PTAR1: variants seen among roughly 807,000 people sequenced by gnomAD.
PTAR1 encodes the protein protein prenyltransferase alpha subunit repeat containing 1.
PTAR1 carries 17 observed loss-of-function variants against 45.5 expected under a neutral mutation model. That is an observed-to-expected ratio of 0.37 (90% CI 0.26 to 0.56). The LOEUF (loss-of-function observed/expected upper bound fraction) is 0.56. Among genes scored for constraint, PTAR1 ranks in the 20% least tolerant of loss-of-function variants. The probability of loss-of-function intolerance (pLI) is 0.77; values close to 1 mark genes in which losing one functional copy is unlikely to be tolerated. For missense variants in PTAR1, 391 were observed against 476.3 expected (o/e 0.82, Z 1.67); for synonymous variants, 169 against 171.3 (o/e 0.99, Z 0.11).
chr9:69,728,110 T>C (rs1424808002), intron 5 of PTAR1, among the ~76,000 whole-genome samples: 2 of 152,222 alleles, frequency 1.3e-5, no homozygotes, highest in Non-Finnish European at 2.9e-5. Flanking sequence ...ATCCACGTTA[T>C]AGCATGTATC....
At position 69,709,727 on chromosome 9, in the gene PTAR1, G is replaced by GA. The variant is rs1336948297; in HGVS notation, c.*8614dup. On this transcript the variant is annotated 3_prime_UTR_variant, in exon 8 of 8. Transcript: ENST00000340434. ...GTGTAATAAGTGCCAGTAAGTCCTGGAAGACAGTTGCAGAGGAAGATTAGA... is the reference window on the plus strand; with the variant it reads ...GTGTAATAAGTGCCAGTAAGTCCTGGAAAGACAGTTGCAGAGGAAGATTAGA... 1 of 152,070 alleles carries GA rather than the reference G, an allele frequency of 6.6e-6. No homozygotes were observed. Among genetic ancestry groups the GA allele is most frequent in the Admixed American group, 6.6e-5 (1 of 15,260 alleles). The allele number at this position is 152,070 out of a possible 1,614,324, so 9.4% of individuals were successfully genotyped here.
chr9:69,742,191 C>T (rs901593290), intron 2 of PTAR1, among the ~76,000 whole-genome samples: 1 of 152,120 alleles, frequency 6.6e-6, no homozygotes, highest in African/African-American at 2.4e-5. Context: ...TTCTATGCCA[C>T]TATTCATTTA....
At chr9:69,745,086 C>A (rs569036375) in intron 2 of PTAR1, among the ~76,000 whole-genome samples, 1 of 152,298 alleles carries the variant, frequency 6.6e-6, no homozygotes, top group African/African-American at 2.4e-5. Flanking sequence ...AAATTCATTC[C>A]ATTTCTCCAC....
Position 69,714,389 on chromosome 9 carries a change from C to T in PTAR1, c.*3953G>A, listed in dbSNP as rs988694296. On this transcript the variant is annotated 3_prime_UTR_variant, in exon 8 of 8. Coordinates refer to ENST00000340434, the MANE Select transcript of PTAR1 (RefSeq NM_001099666.2). ...ACTAAATCTTTAGCATCTTCTATAA[C>T]TCAGGGGAACTAAGGTAGGGATTAT... The T allele has an allele frequency of 1.3e-5, 2 of 151,748 alleles. No homozygotes were observed. Among genetic ancestry groups the T allele is most frequent in the Admixed American group, 6.6e-5 (1 of 15,212 alleles). 9.4% of individuals were successfully genotyped at this position (151,748 alleles called of 1,614,324 possible).
intron 5 of PTAR1, among the ~76,000 whole-genome samples, chr9:69,728,084 C>T (rs749180824): frequency 6.6e-6 from 1 of 152,132 alleles, no homozygotes; most frequent in African/African-American, 2.4e-5. Context: ...TTTCAATCAG[C>T]ATGTTTTCAA....
Position 69,750,784 on chromosome 9 carries a change from C to T in PTAR1, c.253G>A (p.Asp85Asn), listed in dbSNP as rs751981081. 1.2e-6 allele frequency: 2 copies of T among 1,604,804 alleles called. No individual in the cohort carries two copies. Among genetic ancestry groups the T allele is most frequent in the Non-Finnish European group, 1.7e-6 (2 of 1,175,970 alleles). The change falls in exon 2 of 8, where the codon GAT (aspartate) becomes AAT (asparagine). Residue 85 changes from aspartate to asparagine, a missense_variant. By Grantham distance (23) the Asp-to-Asn change is conservative (BLOSUM62 1). Around this residue, in one of 5 missense-constraint regions of PTAR1, gnomAD observed 152 missense variants for 160.0 expected, o/e 0.95. Coordinates refer to ENST00000340434, the MANE Select transcript of PTAR1 (RefSeq NM_001099666.2). ...AGAAAATATGATTCATACTTACCAT[C>T]TCTGTTCAGCCATTGCTTTCTTGTT... ...YRTRKQWLNR[D>N]ELIDVTCTLL...
chr9:69,722,462 C>T (rs1326254892), intron 6 of PTAR1, among the ~76,000 whole-genome samples: 2 of 152,134 alleles, frequency 1.3e-5, no homozygotes, highest in South Asian at 2.1e-4. Context: ...ACCAGACTTT[C>T]CCCTCTCTCA....
Position 69,718,496 on chromosome 9 carries a change from T to C in PTAR1, c.1055A>G (p.Glu352Gly), listed in dbSNP as rs747009679. 6.2e-7 allele frequency: 1 copy of C among 1,613,768 alleles called. No individual in the cohort carries two copies. The highest frequency in any genetic ancestry group is 8.5e-7 in the Non-Finnish European group (1 of 1,179,738). ...NDSSKQGYSQ[E>G]TKRLKRTPVP... is the part of the protein sequence containing the mutation. ...TGGCGTCCGCTTCAGGCGTTTGGTT[T>C]CCTGGGAATAGCCTTGCTTGCTAGA... is the stretch of plus-strand genomic sequence containing the variant. Residue 352 changes from glutamate to glycine, a missense_variant, in exon 8 of 8, where the codon GAA becomes GGA. Glu to Gly is a moderately conservative substitution (Grantham distance 98). Around this residue, in one of 5 missense-constraint regions of PTAR1, gnomAD observed 181 missense variants for 227.7 expected, o/e 0.80. Coordinates refer to ENST00000340434, the MANE Select transcript of PTAR1 (RefSeq NM_001099666.2).
chr9:69,738,910 C>T (rs551001780), intron 3 of PTAR1, among the ~76,000 whole-genome samples: 109 of 151,232 alleles, frequency 7.2e-4, no homozygotes, highest in African/African-American at 2.6e-3. Flanking sequence ...CAGGTTCAAG[C>T]GATTCCCCTT....
chr9:69,753,112 T>G (rs1826605499), intron 1 of PTAR1, among the ~76,000 whole-genome samples: 1 of 150,012 alleles, frequency 6.7e-6, no homozygotes, highest in African/African-American at 2.4e-5. Flanking sequence ...AGAATCCTGT[T>G]TCTGGGTATG....
intron 3 of PTAR1, among the ~76,000 whole-genome samples, chr9:69,738,522 C>T (rs935431828): frequency 4.6e-5 from 7 of 152,114 alleles, no homozygotes; most frequent in African/African-American, 1.7e-4. Flanking sequence ...GGGGTATAAT[C>T]CAATACTATG....
chr9:69,721,893 G>C (rs1825028077), intron 6 of PTAR1, among the ~76,000 whole-genome samples: 1 of 151,612 alleles, frequency 6.6e-6, no homozygotes. Context: ...TATGTACTGG[G>C]AAACAAAAAA....
At position 69,723,306 on chromosome 9, in the gene PTAR1, T is replaced by C. The variant is rs1335954258; in HGVS notation, c.947+20A>G. 8.1e-6 allele frequency: 13 copies of C among 1,601,768 alleles called. No homozygotes were observed. Among genetic ancestry groups the C allele is most frequent in the Middle Eastern group, 3.3e-4 (2 of 6,032 alleles). The stretch of plus-strand genomic sequence containing the variant: ...AAGACATGCAGTTTTGTGTAGGAAA[T>C]AGATTTTCCCTTTTCTTACCTATGA... On this transcript the variant is annotated intron_variant, in intron 6 of 7. Coordinates refer to ENST00000340434, the MANE Select transcript of PTAR1 (RefSeq NM_001099666.2).
At chr9:69,747,326 A>G (rs187136469) in intron 2 of PTAR1, among the ~76,000 whole-genome samples, 6 of 152,332 alleles carry the variant, frequency 3.9e-5, no homozygotes, top group African/African-American at 1.4e-4. Flanking sequence ...AAAAGGCTTC[A>G]CAGTGTTAAG....
chr9:69,731,736 T>C (rs1825547418), intron 5 of PTAR1, among the ~76,000 whole-genome samples: 1 of 151,280 alleles, frequency 6.6e-6, no homozygotes, highest in Non-Finnish European at 1.5e-5. Context: ...TGCCCTCCTC[T>C]CCCCCTTTTC....
chr9:69,757,504 A>G (rs577095060), intron 1 of PTAR1: 1 of 152,304 alleles, frequency 6.6e-6, no homozygotes, highest in East Asian at 1.9e-4. Flanking sequence ...GAGGAAACTG[A>G]GGCTGAGAGA....
At chr9:69,751,342 T>TAA (rs202183826) in intron 1 of PTAR1, among the ~76,000 whole-genome samples, 2,206 of 143,852 alleles carry the variant, frequency 0.015, 52 homozygotes, top group African/African-American at 0.052. Flanking sequence ...ATAAGACTAG[T>TAA]AAAAAAAAAA....
intron 6 of PTAR1, among the ~76,000 whole-genome samples, chr9:69,721,595 A>G (rs1825010721): frequency 1.3e-5 from 2 of 152,190 alleles, no homozygotes; most frequent in African/African-American, 4.8e-5. Flanking sequence ...ATCACACACT[A>G]CAGAGAAATC....
intron 5 of PTAR1, among the ~76,000 whole-genome samples, chr9:69,726,732 T>C (rs1445106645): frequency 1.3e-5 from 2 of 152,040 alleles, no homozygotes; most frequent in African/African-American, 4.8e-5. Flanking sequence ...CCTTTGCTTC[T>C]TCATTTATGA....
Sources: gnomAD v4.1 joint callset for allele counts (sites outside exome capture counted in the v4.1 genomes callset) on GRCh38, gnomAD v4.1.1 for gene constraint, gnomAD v4.1.1 regional missense constraint, MANE v1.5 for transcripts, NCBI Gene and HGNC (gene_info 2026-07-23, HGNC 2026-07-21) for gene names.